Variants in TNFAIP8 observed in about 807,000 individuals in gnomAD.
TNFAIP8 encodes tumor necrosis factor alpha-induced protein 8.
A neutral mutation model predicts 13.3 loss-of-function variants in TNFAIP8; 7 were observed. The ratio of observed to expected loss-of-function variants is 0.52; its 90% confidence interval spans 0.30 to 0.99. The LOEUF is 0.99. Among genes scored for constraint, TNFAIP8 ranks in the 50% least tolerant of loss-of-function variants. The probability of loss-of-function intolerance (pLI) is 0.07; values close to 1 mark genes in which losing one functional copy is unlikely to be tolerated. For missense variants in TNFAIP8, 258 were observed against 236.9 expected (o/e 1.09, Z -0.58); for synonymous variants, 94 against 87.6 (o/e 1.07, Z -0.41).
At chr5:119,382,001 T>C (rs1273066300) in intron 1 of TNFAIP8, among the ~76,000 whole-genome samples, 2 of 152,168 alleles carry the variant, frequency 1.3e-5, no homozygotes, top group Admixed American at 1.3e-4. Context: ...CTATATATAA[T>C]GTTTCAATTT....
intron 1 of TNFAIP8, among the ~76,000 whole-genome samples, chr5:119,335,598 C>G (rs183931567): frequency 8.5e-5 from 13 of 152,104 alleles, no homozygotes; most frequent in Admixed American, 5.2e-4. Flanking sequence ...GACCCCAGAC[C>G]AAAGACATTG....
chr5:119,289,965 C>G (rs1357446731), intron 1 of TNFAIP8, among the ~76,000 whole-genome samples: 1 of 152,170 alleles, frequency 6.6e-6, no homozygotes, highest in African/African-American at 2.4e-5. Context: ...ACAGCTTCAC[C>G]AACGATTTCA....
chr5:119,312,466 A>G (rs1749759488), intron 1 of TNFAIP8, among the ~76,000 whole-genome samples: 1 of 152,230 alleles, frequency 6.6e-6, no homozygotes, highest in Non-Finnish European at 1.5e-5. Flanking sequence ...TTTCATTAGA[A>G]AAAAAGAAAA....
intron 1 of TNFAIP8, among the ~76,000 whole-genome samples, chr5:119,278,631 G>T (rs1748532677): frequency 6.6e-6 from 1 of 152,016 alleles, no homozygotes; most frequent in Admixed American, 6.6e-5. Flanking sequence ...GAAGGGGAGG[G>T]GCATGGTTAC....
At chr5:119,280,142 A>G (rs72786106) in intron 1 of TNFAIP8, among the ~76,000 whole-genome samples, 14,957 of 152,248 alleles carry the variant, frequency 0.098, 1,003 homozygotes, top group African/African-American at 0.19. Flanking sequence ...ATATATCACT[A>G]GCATTTAGGT....
chr5:119,299,833 C>T (rs1749303873), intron 1 of TNFAIP8, among the ~76,000 whole-genome samples: 1 of 152,228 alleles, frequency 6.6e-6, no homozygotes, highest in African/African-American at 2.4e-5. Flanking sequence ...TTCCCCCAGC[C>T]TCGCTGCTGC....
At chr5:119,306,965 T>C (rs1156300809) in intron 1 of TNFAIP8, among the ~76,000 whole-genome samples, 1 of 152,222 alleles carries the variant, frequency 6.6e-6, no homozygotes, top group Non-Finnish European at 1.5e-5. Context: ...TATGTACAAA[T>C]AGGATCAAAC....
intron 1 of TNFAIP8, among the ~76,000 whole-genome samples, chr5:119,314,893 T>A (rs1749838379): frequency 6.6e-6 from 1 of 152,152 alleles, no homozygotes; most frequent in African/African-American, 2.4e-5. Flanking sequence ...AGTTACCAAT[T>A]ATTTATTTTT....
At chr5:119,298,757 A>T (rs991329990) in intron 1 of TNFAIP8, among the ~76,000 whole-genome samples, 13 of 151,880 alleles carry the variant, frequency 8.6e-5, no homozygotes, top group African/African-American at 2.9e-4. Flanking sequence ...TCTGACATAG[A>T]TTTGGTCTTT....
At chr5:119,336,212 TTC>T (rs1309130400) in intron 1 of TNFAIP8, among the ~76,000 whole-genome samples, 1 of 152,182 alleles carries the variant, frequency 6.6e-6, no homozygotes, top group Non-Finnish European at 1.5e-5. Context: ...TAGTCCAATC[TTC>T]TCATTTACAA....
In TNFAIP8 at chr5:119,360,687, T is replaced by C. The variant is rs1233154793; in HGVS notation, c.31+4566T>C. On this transcript the variant is annotated intron_variant, in intron 1 of 1. Coordinates refer to ENST00000504771, the MANE Select transcript of TNFAIP8 (RefSeq NM_014350.4). ...TACATGTTCTGCAAGCAAGGATTTT[T>C]GCAAACACAGGTTTTAGCATCCTGG... Among the ~76,000 whole-genome samples the C allele has an allele frequency of 2.6e-5, 4 of 152,262 alleles. No homozygotes were observed. In the East Asian group the frequency reaches 7.7e-4, roughly 29 times the overall value.
At position 119,393,613 on chromosome 5, in the gene TNFAIP8, A is replaced by G. The variant is rs1459923434; in HGVS notation, c.*232A>G. On this transcript the variant is annotated 3_prime_UTR_variant, in exon 2 of 2. Coordinates refer to ENST00000504771, the MANE Select transcript of TNFAIP8 (RefSeq NM_014350.4). Reference sequence around the variant, plus strand: ...TAACGGGTAACAGACCATGGGAGAGATATGTGGTTGGGTAATGCAAATGTA... The same window carrying G: ...TAACGGGTAACAGACCATGGGAGAGGTATGTGGTTGGGTAATGCAAATGTA... 2 of 498,454 alleles carry G rather than the reference A, an allele frequency of 4.0e-6. No homozygotes were observed. Among genetic ancestry groups the G allele is most frequent in the East Asian group, 6.9e-5 (2 of 28,938 alleles). 30.9% of individuals were successfully genotyped at this position (498,454 alleles called of 1,614,324 possible). A position where few individuals can be genotyped will look rare whatever the true frequency, so the allele number is the denominator to read the frequency against.
intron 1 of TNFAIP8, among the ~76,000 whole-genome samples, chr5:119,382,666 C>G (rs1306744955): frequency 1.3e-5 from 2 of 152,114 alleles, no homozygotes; most frequent in African/African-American, 4.8e-5. Flanking sequence ...TCTTGGTAGT[C>G]CCATTTGCAG....
At chr5:119,286,909 C>T (rs1032261731) in intron 1 of TNFAIP8, among the ~76,000 whole-genome samples, 1 of 152,216 alleles carries the variant, frequency 6.6e-6, no homozygotes, top group Non-Finnish European at 1.5e-5. Flanking sequence ...CCATCCTTCT[C>T]TCCATGTCCA....
intron 1 of TNFAIP8, among the ~76,000 whole-genome samples, chr5:119,329,334 C>T (rs1388259640): frequency 6.6e-6 from 1 of 152,234 alleles, no homozygotes; most frequent in Non-Finnish European, 1.5e-5. Flanking sequence ...GGCCTACCTT[C>T]CCACACTTAC....
chr5:119,300,910 G>T (rs1276597304), intron 1 of TNFAIP8, among the ~76,000 whole-genome samples: 3 of 152,218 alleles, frequency 2.0e-5, no homozygotes, highest in Admixed American at 6.5e-5. Context: ...AAGAATTGCA[G>T]GTGCAGATGG....
intron 1 of TNFAIP8, among the ~76,000 whole-genome samples, chr5:119,331,109 T>TGCATCCACATTGGGC (rs1750363360): frequency 2.6e-5 from 4 of 152,148 alleles, no homozygotes; most frequent in Admixed American, 2.6e-4. Flanking sequence ...GAAGCATGGG[T>TGCATCCACATTGGGC]GATGCATCCA....
chr5:119,371,345 C>A (rs1461943256), intron 1 of TNFAIP8, among the ~76,000 whole-genome samples: 1 of 152,132 alleles, frequency 6.6e-6, no homozygotes, highest in Non-Finnish European at 1.5e-5. Flanking sequence ...CTGTATGACA[C>A]TGCATTTCTT....
At chr5:119,391,957 A>G (rs1752910077) in intron 1 of TNFAIP8, among the ~76,000 whole-genome samples, 1 of 152,250 alleles carries the variant, frequency 6.6e-6, no homozygotes, top group Non-Finnish European at 1.5e-5. Flanking sequence ...AACATCTGTC[A>G]GAAGTTATAA....
Sources: gnomAD v4.1 joint callset for allele counts (sites outside exome capture counted in the v4.1 genomes callset) on GRCh38, gnomAD v4.1.1 for gene constraint, MANE v1.5 for transcripts, NCBI Gene and HGNC (gene_info 2026-07-23, HGNC 2026-07-21) for gene names.